Variants in BCKDHB observed in about 807,000 individuals in gnomAD.
The protein encoded by BCKDHB is branched chain keto acid dehydrogenase E1 subunit beta, also known as 2-oxoisovalerate dehydrogenase subunit beta, mitochondrial.
A neutral mutation model predicts 48.5 loss-of-function variants in BCKDHB; 41 were observed. The ratio of observed to expected loss-of-function variants is 0.85; its 90% CI spans 0.66 to 1.10. The LOEUF is 1.10. Ranked by LOEUF, BCKDHB falls within the 50% of genes least tolerant of loss-of-function variation. BCKDHB has a pLI of 0.00. For synonymous variants in BCKDHB, 201 were observed against 174.8 expected, an observed-to-expected ratio of 1.15 and a Z score of -1.18; for missense variants, 496 against 494.2, an observed-to-expected ratio of 1.00 and a Z score of -0.03.
intron 9 of BCKDHB, among the ~76,000 whole-genome samples, chr6:80,339,635 A>G (rs181292630): frequency 4.6e-5 from 7 of 152,312 alleles, no homozygotes; most frequent in African/African-American, 1.7e-4. Flanking sequence ...CCCACTACCC[A>G]GGACCATCTG....
chr6:80,175,300 A>G (rs534464567), intron 6 of BCKDHB, among the ~76,000 whole-genome samples: 1 of 152,300 alleles, frequency 6.6e-6, no homozygotes, highest in East Asian at 1.9e-4. Context: ...ACATCTAATC[A>G]TATGGCCATG....
chr6:80,216,328 A>G (rs997259396), intron 8 of BCKDHB, among the ~76,000 whole-genome samples: 1 of 152,170 alleles, frequency 6.6e-6, no homozygotes, highest in African/African-American at 2.4e-5. Flanking sequence ...ATTTTATCAT[A>G]TGTCAGGAAT....
chr6:80,446,526 C>A, the BCKDHB span, among the ~76,000 whole-genome samples: 2 of 152,024 alleles, frequency 1.3e-5, no homozygotes, highest in Non-Finnish European at 2.9e-5. Flanking sequence ...GCATGGAGCA[C>A]GAACTCGGTA....
intron 9 of BCKDHB, among the ~76,000 whole-genome samples, chr6:80,275,397 T>C (rs936799654): frequency 5.9e-5 from 9 of 152,084 alleles, no homozygotes; most frequent in African/African-American, 2.2e-4. Context: ...ATGGCAAAAT[T>C]ATTCACCAGC....
chr6:80,404,974 G>C, the BCKDHB span, among the ~76,000 whole-genome samples: 1 of 152,056 alleles, frequency 6.6e-6, no homozygotes, highest in African/African-American at 2.4e-5. Context: ...ATCTATTCCA[G>C]AGAATATTCC....
At chr6:80,464,698 A>C in the BCKDHB span, among the ~76,000 whole-genome samples, 1 of 152,184 alleles carries the variant, frequency 6.6e-6, no homozygotes, top group Non-Finnish European at 1.5e-5. Context: ...TCACCTCAGA[A>C]GAAAGGCCAC....
At chr6:80,367,679 T>C in the BCKDHB span, among the ~76,000 whole-genome samples, 3 of 152,254 alleles carry the variant, frequency 2.0e-5, no homozygotes, top group Admixed American at 6.5e-5. Context: ...GCATAGCCTC[T>C]CAAGGCTTAT....
rs1770174669 is a variant in BCKDHB, at chr6:80,345,807, T to C, written c.*2003T>C. The C allele has an allele frequency of 6.6e-6, 1 of 152,264 alleles. No homozygotes were observed. Among genetic ancestry groups the C allele is most frequent in the Non-Finnish European group, 1.5e-5 (1 of 68,050 alleles). The allele number at this position is 152,264 out of a possible 1,614,324, so 9.4% of individuals were successfully genotyped here. A position where few individuals can be genotyped will look rare whatever the true frequency, so the allele number is the denominator to read the frequency against. On this transcript the variant is annotated 3_prime_UTR_variant, in exon 10 of 10. Transcript: ENST00000320393. ...CTATTTTTAAAGTAATATTCAGATG[T>C]GGTTTTAAATTTAGATTATGTATTC...
intron 8 of BCKDHB, among the ~76,000 whole-genome samples, chr6:80,260,621 A>C (rs1777259444): frequency 6.6e-6 from 1 of 152,190 alleles, no homozygotes; most frequent in Non-Finnish European, 1.5e-5. Flanking sequence ...AGACTACTGA[A>C]TGCTTAAATT....
intron 9 of BCKDHB, among the ~76,000 whole-genome samples, chr6:80,317,025 T>C (rs1768482673): frequency 6.6e-6 from 1 of 152,208 alleles, no homozygotes. Context: ...GGGCTTGCTC[T>C]AATTCTTTAA....
chr6:80,254,907 TAGAC>T (rs750100708), intron 8 of BCKDHB, among the ~76,000 whole-genome samples: 64 of 152,168 alleles, frequency 4.2e-4, no homozygotes, highest in South Asian at 1.2e-3. Flanking sequence ...TTCAGCCAGA[TAGAC>T]AGACAGACAG....
At chr6:80,397,969 C>G in the BCKDHB span, among the ~76,000 whole-genome samples, 20 of 152,262 alleles carry the variant, frequency 1.3e-4, no homozygotes, top group African/African-American at 4.8e-4. Context: ...CAAGTTGCTT[C>G]TGGGTTACTT....
At chr6:80,190,466 C>T (rs1349748765) in intron 6 of BCKDHB, among the ~76,000 whole-genome samples, 3 of 151,988 alleles carry the variant, frequency 2.0e-5, no homozygotes, top group African/African-American at 7.2e-5. Flanking sequence ...GCCACACTAT[C>T]TATAACCGAG....
chr6:80,403,240 A>G, the BCKDHB span, among the ~76,000 whole-genome samples: 10 of 151,872 alleles, frequency 6.6e-5, no homozygotes, highest in African/African-American at 2.4e-4. Flanking sequence ...AACGTGGGAT[A>G]TCTTTCCATG....
At chr6:80,433,917 T>C in the BCKDHB span, among the ~76,000 whole-genome samples, 5 of 152,324 alleles carry the variant, frequency 3.3e-5, no homozygotes, top group Non-Finnish European at 7.4e-5. Context: ...TTGGCCATTA[T>C]TTCTTTAAAT....
chr6:80,373,337 T>A, the BCKDHB span, among the ~76,000 whole-genome samples: 1 of 59,706 alleles, frequency 1.7e-5, no homozygotes, highest in African/African-American at 3.9e-5. Context: ...TCTTCTCTCT[T>A]CTTTTCTTGG....
At chr6:80,265,707 A>G (rs1047432103) in intron 8 of BCKDHB, among the ~76,000 whole-genome samples, 1 of 152,096 alleles carries the variant, frequency 6.6e-6, no homozygotes, top group African/African-American at 2.4e-5. Context: ...AAACAAAACT[A>G]TCTTTATGGA....
At chr6:80,111,783 T>C (rs1769424351) in intron 1 of BCKDHB, among the ~76,000 whole-genome samples, 1 of 152,072 alleles carries the variant, frequency 6.6e-6, no homozygotes, top group African/African-American at 2.4e-5. Context: ...GGAGAACAAA[T>C]AGCAAACAAA....
intron 8 of BCKDHB, among the ~76,000 whole-genome samples, chr6:80,242,371 A>G (rs1196714482): frequency 1.3e-5 from 2 of 152,188 alleles, no homozygotes; most frequent in African/African-American, 4.8e-5. Context: ...GAGCCTTACA[A>G]TACCTCTCTA....
Sources: allele counts gnomAD v4.1 joint callset (sites outside exome capture counted in the v4.1 genomes callset), GRCh38; gene constraint gnomAD v4.1.1; transcripts MANE v1.5; gene names NCBI Gene and HGNC (gene_info 2026-07-23, HGNC 2026-07-21).